The following FBXO40 variants were observed in gnomAD, a reference collection of about 807,000 sequenced individuals.
FBXO40 encodes the protein F-box protein 40, also known as F-box only protein 40.
Under a neutral mutation model 49.9 loss-of-function variants are expected in FBXO40, and 50 were observed. The observed-to-expected ratio is 1.00, with a 90% CI of 0.80 to 1.27. The LOEUF (loss-of-function observed/expected upper bound fraction) is 1.27. FBXO40 is among the 50% of genes most tolerant of loss of function. FBXO40 has a pLI of 0.00. For missense variants in FBXO40, 895 were observed against 870.1 expected (o/e 1.03, Z -0.36); for synonymous variants, 340 against 320.2 (o/e 1.06, Z -0.66).
intron 1 of FBXO40, among the ~76,000 whole-genome samples, chr3:121,605,924 A>G (rs1390507870): frequency 4.6e-5 from 7 of 152,230 alleles, no homozygotes; most frequent in Admixed American, 2.0e-4. Context: ...CAGCAAGAGG[A>G]CATCGGCATA....
rs749987678 is a variant in FBXO40 at position 121,626,689 on chromosome 3, C to G, written c.1915-6C>G. The G allele has an allele frequency of 3.8e-5, 62 of 1,613,744 alleles. No individual in the cohort carries two copies. The highest frequency in any genetic ancestry group is 4.7e-5 in the Non-Finnish European group (56 of 1,179,784). On this transcript the variant is annotated splice_region_variant and splice_polypyrimidine_tract_variant and intron_variant, in intron 3 of 3. Transcript: ENST00000338040. The stretch of plus-strand genomic sequence containing the variant: ...TTCACCTTTGAACTTCTATCTTTCT[C>G]AACAGATCTGGCAGTTCAGCAGCCT...
chr3:121,621,902 C>G lies in FBXO40; in HGVS notation c.473C>G (p.Pro158Arg). ...PETREATEEE[P>R]TMNGETSVEE... ...ACTAGAGAGGCTACTGAGGAGGAAC[C>G]AACTATGAATGGTGAAACCAGTGTG... is the stretch of plus-strand genomic sequence containing the variant. The change falls in exon 3 of 4, where the codon CCA becomes CGA. Residue 158 changes from proline to arginine, a missense_variant. Physicochemically the swap from Pro to Arg is moderately radical, Grantham distance 103. Coordinates refer to ENST00000338040, the MANE Select transcript of FBXO40 (RefSeq NM_016298.4). 6.2e-7 allele frequency: 1 copy of G among 1,614,114 alleles called. No individual in the cohort carries two copies. Among genetic ancestry groups the G allele is most frequent in the Non-Finnish European group, 8.5e-7 (1 of 1,180,032 alleles).
intron 1 of FBXO40, among the ~76,000 whole-genome samples, chr3:121,599,236 G>C (rs1259490684): frequency 6.6e-6 from 1 of 152,116 alleles, no homozygotes; most frequent in East Asian, 1.9e-4. Flanking sequence ...GGGAGGCCGA[G>C]GTGGGCGGAT....
intron 1 of FBXO40, among the ~76,000 whole-genome samples, chr3:121,610,211 G>A (rs951067776): frequency 6.6e-6 from 1 of 152,228 alleles, no homozygotes. Context: ...ATAAGGGGCT[G>A]GCTCTGAAGG....
intron 1 of FBXO40, among the ~76,000 whole-genome samples, chr3:121,615,049 C>T (rs1311443677): frequency 6.6e-6 from 1 of 151,994 alleles, no homozygotes; most frequent in African/African-American, 2.4e-5. Flanking sequence ...GAAACCCCCA[C>T]AAAAAGTTTG....
At chr3:121,599,818 G>C (rs1458783159) in intron 1 of FBXO40, among the ~76,000 whole-genome samples, 1 of 150,156 alleles carries the variant, frequency 6.7e-6, no homozygotes, top group Non-Finnish European at 1.5e-5. Flanking sequence ...TGCCTCCCGG[G>C]TTCAAGAGAT....
chr3:121,594,018 A>G (rs1301130140), intron 1 of FBXO40, among the ~76,000 whole-genome samples: 2 of 151,974 alleles, frequency 1.3e-5, no homozygotes, highest in Non-Finnish European at 2.9e-5. Flanking sequence ...GGCACATGCC[A>G]CCACATCCGG....
At chr3:121,603,133 G>T (rs1033674267) in intron 1 of FBXO40, among the ~76,000 whole-genome samples, 7 of 152,144 alleles carry the variant, frequency 4.6e-5, no homozygotes, top group Non-Finnish European at 7.4e-5. Flanking sequence ...TTTTATAAGG[G>T]CACTAATTCT....
Position 121,629,301 on chromosome 3 carries a change from C to T in FBXO40, c.*2391C>T, listed in dbSNP as rs1445172781. 1.3e-5 allele frequency: 2 copies of T among 152,174 alleles called. No individual in the cohort carries two copies. The highest frequency in any genetic ancestry group is 2.9e-5 in the Non-Finnish European group (2 of 68,048). The allele number at this position is 152,174 out of a possible 1,614,324, so 9.4% of individuals were successfully genotyped here. On this transcript the variant is annotated 3_prime_UTR_variant, in exon 4 of 4. Transcript: ENST00000338040. ...AAGGCACCATTTTCTAAAAATATGA[C>T]TAGGGTGTGACCTAAGGTTTTATTC...
intron 1 of FBXO40, among the ~76,000 whole-genome samples, chr3:121,600,374 C>T (rs1265678711): frequency 6.6e-6 from 1 of 151,982 alleles, no homozygotes; most frequent in African/African-American, 2.4e-5. Flanking sequence ...ACAACCTTCC[C>T]TTTCACAGTT....
At chr3:121,601,783 T>G (rs1394082103) in intron 1 of FBXO40, among the ~76,000 whole-genome samples, 1 of 152,216 alleles carries the variant, frequency 6.6e-6, no homozygotes, top group East Asian at 1.9e-4. Flanking sequence ...CCATTTGTGA[T>G]TTTCCCCTTC....
At chr3:121,595,117 G>A (rs2048864812) in intron 1 of FBXO40, among the ~76,000 whole-genome samples, 1 of 152,206 alleles carries the variant, frequency 6.6e-6, no homozygotes, top group Non-Finnish European at 1.5e-5. Flanking sequence ...AGTAAAAGGA[G>A]ACCTAAACTA....
chr3:121,622,510 G>T lies in FBXO40; in HGVS notation c.1081G>T (p.Ala361Ser). Reference protein sequence around the residue: ...KVPVSYCGKRARLGDAMLSCK... With the variant: ...KVPVSYCGKRSRLGDAMLSCK... ...TCCTGTGAGCTACTGTGGAAAGCGA[G>T]CTCGACTTGGAGATGCCATGTTGAG... Residue 361 changes from alanine (A) to serine (S), a missense_variant, in exon 3 of 4, where the codon GCT becomes TCT. Transcript: ENST00000338040. 1 of 1,614,210 alleles carries T rather than the reference G, an allele frequency of 6.2e-7. No homozygotes were observed. Among genetic ancestry groups the T allele is most frequent in the Non-Finnish European group, 8.5e-7 (1 of 1,180,036 alleles).
intron 1 of FBXO40, among the ~76,000 whole-genome samples, chr3:121,599,520 T>A: frequency 6.9e-6 from 1 of 144,182 alleles, no homozygotes; most frequent in African/African-American, 2.6e-5. Context: ...AAAAGGGAAA[T>A]GGCACCTGGA....
rs34740909 is a variant in FBXO40 at position 121,622,536 on chromosome 3, T to C, written c.1107T>C (p.Ser369=). ...KRARLGDAML[S]CKPSEHKAVD... is the part of the protein sequence containing the mutation. ...CTCGACTTGGAGATGCCATGTTGAG[T>C]TGTAAGCCAAGTGAACACAAGGCAG... The change falls in exon 3 of 4, where the codon AGT becomes AGC. Residue 369 remains serine, a synonymous_variant. Transcript: ENST00000338040. 16,682 of 1,614,030 alleles carry C rather than the reference T, an allele frequency of 0.01. 1,139 individuals carry two copies. In the African/African-American group the frequency reaches 0.17, roughly 17 times the overall value.
intron 1 of FBXO40, among the ~76,000 whole-genome samples, chr3:121,603,466 A>G (rs1022999465): frequency 1.4e-4 from 22 of 152,238 alleles, no homozygotes; most frequent in African/African-American, 4.8e-4. Context: ...TCAATCCTTT[A>G]ACCTCAGCTT....
At chr3:121,618,460 C>T (rs1326958373) in intron 1 of FBXO40, among the ~76,000 whole-genome samples, 1 of 136,118 alleles carries the variant, frequency 7.3e-6, no homozygotes, top group Non-Finnish European at 1.5e-5. Context: ...GATCTCGATT[C>T]ACTGCAACCT....
Position 121,621,415 on chromosome 3 carries a change from T to C in FBXO40, c.4-18T>C, listed in dbSNP as rs201727019. On this transcript the variant is annotated intron_variant, in intron 2 of 3. Transcript: ENST00000338040. ...CAGTATTCATTTGTTTTCTTCCCCC[T>C]GTCCTTGGTGTGTCCAGGGGAAAGC... The C allele has an allele frequency of 6.9e-4, 1,103 of 1,592,254 alleles. No homozygotes were observed. Among genetic ancestry groups the C allele is most frequent in the Non-Finnish European group, 8.6e-4 (1,008 of 1,165,586 alleles).
chr3:121,615,601 T>C (rs957009206), intron 1 of FBXO40, among the ~76,000 whole-genome samples: 3 of 149,718 alleles, frequency 2.0e-5, no homozygotes, highest in Non-Finnish European at 4.4e-5. Context: ...AGAAAGAAAC[T>C]ATAAGGAAAC....
Sources: allele counts gnomAD v4.1 joint callset (sites outside exome capture counted in the v4.1 genomes callset), GRCh38; gene constraint gnomAD v4.1.1; transcripts MANE v1.5; gene names NCBI Gene and HGNC (gene_info 2026-07-23, HGNC 2026-07-21).